Variants in EEPD1 observed in about 807,000 individuals in gnomAD.
EEPD1 encodes endonuclease/exonuclease/phosphatase family domain containing 1.
Under a neutral mutation model 46.3 loss-of-function variants are expected in EEPD1, and 17 were observed. The observed-to-expected ratio is 0.37, with a 90% CI of 0.25 to 0.55. The LOEUF is 0.55. Among genes scored for constraint, EEPD1 ranks in the 20% least tolerant of loss-of-function variants. The probability of loss-of-function intolerance (pLI) is 0.83; values close to 1 mark genes in which losing one functional copy is unlikely to be tolerated. For synonymous variants in EEPD1, 313 were observed against 315.6 expected, an observed-to-expected ratio of 0.99 and a Z score of 0.09; for missense variants, 673 against 745.6, an observed-to-expected ratio of 0.90 and a Z score of 1.13.
At chr7:36,169,243 G>A (rs910757154) in intron 2 of EEPD1, among the ~76,000 whole-genome samples, 9 of 152,168 alleles carry the variant, frequency 5.9e-5, no homozygotes, top group African/African-American at 1.9e-4. Flanking sequence ...ACCTAGGAGT[G>A]GAGTTGCTGG....
intron 2 of EEPD1, among the ~76,000 whole-genome samples, chr7:36,186,402 T>C (rs1280351514): frequency 1.3e-5 from 2 of 152,220 alleles, no homozygotes; most frequent in African/African-American, 2.4e-5. Context: ...GGGGTCAACC[T>C]GAAGTTCTAA....
At chr7:36,162,991 A>C (rs1423750022) in intron 2 of EEPD1, among the ~76,000 whole-genome samples, 2 of 152,196 alleles carry the variant, frequency 1.3e-5, no homozygotes, top group Non-Finnish European at 2.9e-5. Flanking sequence ...TTATGCTAAA[A>C]GTGGGAGGTC....
rs185058271 is a variant in EEPD1 at position 36,179,987 on chromosome 7, G to T, written c.878+24785G>T. Among the ~76,000 whole-genome samples, 30 of 152,308 alleles carry T rather than the reference G, an allele frequency of 2.0e-4. No individual in the cohort carries two copies. The East Asian group carries it at 5.6e-3, about 29-fold the overall frequency. On this transcript the variant is annotated intron_variant, in intron 2 of 7. Coordinates refer to ENST00000242108, the MANE Select transcript of EEPD1 (RefSeq NM_030636.3). ...ACTGCCCTGAGTGGGGCCGGGGTGG[G>T]TGTTGAGCCTCCCAGCTGATTCCAA...
chr7:36,237,823 C>T (rs187509386), intron 2 of EEPD1, among the ~76,000 whole-genome samples: 54 of 152,192 alleles, frequency 3.5e-4, no homozygotes, highest in African/African-American at 1.3e-3. Context: ...TAGCAGCACA[C>T]GCCTGTAAAA....
At chr7:36,278,019 A>C (rs1787207059) in intron 3 of EEPD1, among the ~76,000 whole-genome samples, 1 of 152,222 alleles carries the variant, frequency 6.6e-6, no homozygotes, top group Non-Finnish European at 1.5e-5. Context: ...CCATGAAATC[A>C]ACTTGAACCT....
At chr7:36,288,053 GTGA>G (rs1236861850) in intron 6 of EEPD1, among the ~76,000 whole-genome samples, 2 of 152,190 alleles carry the variant, frequency 1.3e-5, no homozygotes, top group African/African-American at 4.8e-5. Flanking sequence ...AAGAATATAA[GTGA>G]TGATGCCCTT....
At chr7:36,266,534 C>T (rs1025997407) in intron 3 of EEPD1, among the ~76,000 whole-genome samples, 1 of 152,228 alleles carries the variant, frequency 6.6e-6, no homozygotes, top group Non-Finnish European at 1.5e-5. Flanking sequence ...CCCTCAACAT[C>T]TAGCCCATCA....
At chr7:36,281,398 C>T (rs1031914856) in intron 4 of EEPD1, among the ~76,000 whole-genome samples, 173 bp downstream of exon 4, 6 of 152,030 alleles carry the variant, frequency 3.9e-5, no homozygotes, top group African/African-American at 1.2e-4. Flanking sequence ...TTTCGGTTCA[C>T]GTTTAGATTG....
At chr7:36,194,770 C>T (rs1785547908) in intron 2 of EEPD1, among the ~76,000 whole-genome samples, 1 of 152,172 alleles carries the variant, frequency 6.6e-6, no homozygotes, top group South Asian at 2.1e-4. Context: ...TTCATTGGGC[C>T]TCCACATCTT....
intron 2 of EEPD1, among the ~76,000 whole-genome samples, chr7:36,199,422 T>G (rs1785673601): frequency 6.6e-6 from 1 of 152,150 alleles, no homozygotes; most frequent in Non-Finnish European, 1.5e-5. Context: ...GTGGGGAGGA[T>G]GAGGACTTGC....
intron 3 of EEPD1, among the ~76,000 whole-genome samples, chr7:36,271,944 C>A: frequency 6.6e-6 from 1 of 151,762 alleles, no homozygotes; most frequent in Non-Finnish European, 1.5e-5. Flanking sequence ...TGCAATGGCA[C>A]AATCTCGGCC....
intron 3 of EEPD1, 106 bp downstream of exon 3, chr7:36,239,142 G>C: frequency 3.6e-6 from 4 of 1,119,778 alleles, no homozygotes; most frequent in Non-Finnish European, 5.3e-6. Context: ...CTGAAAAGAC[G>C]GTCAGTTATT....
At chr7:36,281,447 G>A (rs1583477472) in intron 4 of EEPD1, among the ~76,000 whole-genome samples, 2 of 152,298 alleles carry the variant, frequency 1.3e-5, no homozygotes, top group South Asian at 4.1e-4. Flanking sequence ...AGAGCTTAGG[G>A]TGTTGGGAGG....
intron 3 of EEPD1, among the ~76,000 whole-genome samples, chr7:36,275,250 A>G (rs1050286647): frequency 6.6e-6 from 1 of 152,156 alleles, no homozygotes. Flanking sequence ...TTACTTTAAA[A>G]TGCCTACCAG....
intron 2 of EEPD1, among the ~76,000 whole-genome samples, chr7:36,237,344 C>T (rs76892449): frequency 0.022 from 3,361 of 152,328 alleles, 136 homozygotes; most frequent in African/African-American, 0.076. Context: ...GTGATGTTGT[C>T]TAGGCTGCTC....
chr7:36,220,286 C>G (rs1215430171), intron 2 of EEPD1, among the ~76,000 whole-genome samples: 1 of 152,114 alleles, frequency 6.6e-6, no homozygotes, highest in African/African-American at 2.4e-5. Flanking sequence ...GCAGATGGCT[C>G]CTTCTTGGGT....
intron 2 of EEPD1, among the ~76,000 whole-genome samples, chr7:36,197,448 G>C (rs1316962374): frequency 6.6e-6 from 1 of 152,208 alleles, no homozygotes; most frequent in African/African-American, 2.4e-5. Context: ...CCATGATGAC[G>C]ATAGCAGTTT....
chr7:36,219,513 A>G (rs958862609), intron 2 of EEPD1, among the ~76,000 whole-genome samples: 3 of 149,308 alleles, frequency 2.0e-5, no homozygotes, highest in African/African-American at 7.4e-5. Flanking sequence ...GAAGGAAGGA[A>G]GGAAGGAAAG....
intron 3 of EEPD1, among the ~76,000 whole-genome samples, chr7:36,250,618 A>T (rs2115808935): frequency 6.6e-6 from 1 of 152,318 alleles, no homozygotes; most frequent in Admixed American, 6.5e-5. Context: ...TATAGCCCAT[A>T]AAGTCCAAAA....
Sources: gnomAD v4.1 joint callset for allele counts (sites outside exome capture counted in the v4.1 genomes callset) on GRCh38, gnomAD v4.1.1 for gene constraint, MANE v1.5 for transcripts, NCBI Gene and HGNC (gene_info 2026-07-23, HGNC 2026-07-21) for gene names.